Variants in DLGAP2 observed in about 807,000 individuals in gnomAD.
DLGAP2 encodes DLG associated protein 2.
A neutral mutation model predicts 100.3 loss-of-function variants in DLGAP2; 26 were observed. The observed-to-expected ratio is 0.26, with a 90% confidence interval of 0.19 to 0.36. The LOEUF (loss-of-function observed/expected upper bound fraction) is 0.36, where lower values mean the gene tolerates loss of function less well. Among genes scored for constraint, DLGAP2 ranks in the 10% least tolerant of loss-of-function variants. The probability of loss-of-function intolerance (pLI) is 1.00; values close to 1 mark genes in which losing one functional copy is unlikely to be tolerated. For synonymous variants in DLGAP2, 886 were observed against 630.1 expected (o/e 1.41, Z -6.08); for missense variants, 1,858 against 1,453.2 (o/e 1.28, Z -4.53).
At chr8:983,911 A>C (rs1800413853) in intron 2 of DLGAP2, among the ~76,000 whole-genome samples, 1 of 152,088 alleles carries the variant, frequency 6.6e-6, no homozygotes. Flanking sequence ...AAGTGCTGGG[A>C]GTGCAGATGT....
At chr8:1,376,043 CG>C (rs1802377530) in intron 3 of DLGAP2, among the ~76,000 whole-genome samples, 3 of 59,138 alleles carry the variant, frequency 5.1e-5, no homozygotes, top group African/African-American at 1.4e-4. Flanking sequence ...TTTGGGTTAA[CG>C]ACACCTCTCC....
At chr8:1,527,700 A>T (rs765086274) in intron 4 of DLGAP2, among the ~76,000 whole-genome samples, 1 of 152,202 alleles carries the variant, frequency 6.6e-6, no homozygotes, top group Non-Finnish European at 1.5e-5. Context: ...GCCTGTGTCT[A>T]TGCAGCATGC....
chr8:1,439,425 T>C (rs1389347068), intron 3 of DLGAP2, among the ~76,000 whole-genome samples: 1 of 152,134 alleles, frequency 6.6e-6, no homozygotes, highest in Non-Finnish European at 1.5e-5. Context: ...GTGTCCTCTC[T>C]AGTTCCTCAC....
At chr8:1,409,861 C>A (rs1006233390) in intron 3 of DLGAP2, among the ~76,000 whole-genome samples, 1 of 152,218 alleles carries the variant, frequency 6.6e-6, no homozygotes, top group African/African-American at 2.4e-5. Context: ...CCCCTCAGTG[C>A]CGGGGCCTTC....
At chr8:947,197 C>G (rs1799348255) in intron 2 of DLGAP2, among the ~76,000 whole-genome samples, 1 of 152,130 alleles carries the variant, frequency 6.6e-6, no homozygotes, top group African/African-American at 2.4e-5. Context: ...TAAGAACAAC[C>G]CAGGAGCCCG....
chr8:1,287,530 T>A (rs1277348677), intron 3 of DLGAP2, among the ~76,000 whole-genome samples: 1 of 102,138 alleles, frequency 9.8e-6, no homozygotes, highest in Non-Finnish European at 1.9e-5. Context: ...TTTGGTTCAG[T>A]GTGTGTGTGT....
chr8:949,815 C>T (rs1284608389), intron 2 of DLGAP2, among the ~76,000 whole-genome samples: 1 of 152,140 alleles, frequency 6.6e-6, no homozygotes, highest in East Asian at 1.9e-4. Flanking sequence ...CACGCGGGCC[C>T]TCCAGAGAAC....
chr8:1,447,934 C>A (rs1798027379), intron 3 of DLGAP2, among the ~76,000 whole-genome samples: 1 of 152,084 alleles, frequency 6.6e-6, no homozygotes, highest in African/African-American at 2.4e-5. Flanking sequence ...GTGGTGATAT[C>A]CCCTTTATCT....
At chr8:1,663,536 A>G (rs1798468177) in intron 8 of DLGAP2, among the ~76,000 whole-genome samples, 1 of 152,168 alleles carries the variant, frequency 6.6e-6, no homozygotes, top group African/African-American at 2.4e-5. Flanking sequence ...CTGAAGCAAG[A>G]AAGATTGATT....
At chr8:1,116,179 G>A (rs1254692952) in intron 2 of DLGAP2, among the ~76,000 whole-genome samples, 4 of 152,210 alleles carry the variant, frequency 2.6e-5, no homozygotes, top group African/African-American at 9.6e-5. Flanking sequence ...GTCAGCTGGG[G>A]ACACCCGCAC....
chr8:1,546,349 C>T (rs1801533673), intron 4 of DLGAP2, among the ~76,000 whole-genome samples: 1 of 152,208 alleles, frequency 6.6e-6, no homozygotes, highest in African/African-American at 2.4e-5. Context: ...ACCTTGCTGT[C>T]AGTCTCTCGG....
At chr8:1,607,206 AATT>A (rs1796829013) in intron 6 of DLGAP2, among the ~76,000 whole-genome samples, 1 of 152,232 alleles carries the variant, frequency 6.6e-6, no homozygotes, top group South Asian at 2.1e-4. Context: ...TTTATATAAA[AATT>A]ATCCATCATT....
chr8:1,267,457 T>C (rs1348172972), intron 3 of DLGAP2, among the ~76,000 whole-genome samples: 1 of 147,726 alleles, frequency 6.8e-6, no homozygotes, highest in African/African-American at 2.5e-5. Context: ...CCCCAGCTAA[T>C]TGGGAGGCTG....
intron 1 of DLGAP2, among the ~76,000 whole-genome samples, chr8:877,673 C>T (rs1038128557): frequency 6.6e-6 from 1 of 152,208 alleles, no homozygotes; most frequent in African/African-American, 2.4e-5. Context: ...CCCTGCAAGC[C>T]AGTAACCTAC....
intron 1 of DLGAP2, among the ~76,000 whole-genome samples, chr8:865,082 G>A (rs769534666): frequency 5.9e-5 from 9 of 152,186 alleles, no homozygotes; most frequent in Non-Finnish European, 1.2e-4. Context: ...CAGCTATGCG[G>A]TCTCATGGCC....
At chr8:854,624 T>C (rs1427153629) in intron 1 of DLGAP2, among the ~76,000 whole-genome samples, 4 of 152,174 alleles carry the variant, frequency 2.6e-5, no homozygotes, top group Non-Finnish European at 5.9e-5. Context: ...TGTTCATGCA[T>C]GTACGTGTCT....
At chr8:1,022,091 A>G (rs1801639147) in intron 2 of DLGAP2, among the ~76,000 whole-genome samples, 1 of 152,210 alleles carries the variant, frequency 6.6e-6, no homozygotes, top group African/African-American at 2.4e-5. Flanking sequence ...ACAGGTGCAG[A>G]GAAGCCCAGA....
intron 6 of DLGAP2, among the ~76,000 whole-genome samples, chr8:1,603,770 A>G (rs1283464835): frequency 6.6e-6 from 1 of 152,214 alleles, no homozygotes; most frequent in Non-Finnish European, 1.5e-5. Context: ...TTATTTATCT[A>G]AGGGACTGGG....
At chr8:1,017,568 ACCAGGACAGACGACGCCTCCACTGTGTG>A (rs1801497425) in intron 2 of DLGAP2, among the ~76,000 whole-genome samples, 2 of 137,144 alleles carry the variant, frequency 1.5e-5, no homozygotes, top group Admixed American at 7.3e-5. Context: ...TGTGTGTGTG[ACCAGGACAGACGACGCCTCCACTGTGTG>A]TGACCAGGAC....
Sources: allele counts gnomAD v4.1 joint callset (sites outside exome capture counted in the v4.1 genomes callset), GRCh38; gene constraint gnomAD v4.1.1; transcripts MANE v1.5; gene names NCBI Gene and HGNC (gene_info 2026-07-23, HGNC 2026-07-21).